Variants in FHIT observed in about 807,000 individuals in gnomAD.
FHIT encodes bis(5'-adenosyl)-triphosphatase.
In FHIT, 19 loss-of-function variants were observed where a neutral mutation model predicts 17.9. That is an observed-to-expected ratio of 1.06 (90% CI 0.74 to 1.56). FHIT has a LOEUF of 1.56. Among genes scored for constraint, FHIT ranks in the 40% most tolerant of loss-of-function variants. FHIT has a pLI of 0.00. For missense variants in FHIT, 248 were observed against 189.2 expected, an observed-to-expected ratio of 1.31 and a Z score of -1.82; for synonymous variants, 81 against 69.7, an observed-to-expected ratio of 1.16 and a Z score of -0.81.
chr3:60,082,777 G>C (rs1703345181), intron 5 of FHIT, among the ~76,000 whole-genome samples: 1 of 152,068 alleles, frequency 6.6e-6, no homozygotes, highest in Admixed American at 6.6e-5. Context: ...GTGTTGTTTT[G>C]AGAAGTGTCT....
intron 5 of FHIT, among the ~76,000 whole-genome samples, chr3:60,438,864 A>AT (rs1377917095): frequency 1.3e-5 from 2 of 152,134 alleles, no homozygotes; most frequent in Admixed American, 6.6e-5. Flanking sequence ...AACACTGTAC[A>AT]ATCTAGTTCC....
chr3:61,124,217 C>A (rs890103231), intron 2 of FHIT, among the ~76,000 whole-genome samples: 1 of 152,116 alleles, frequency 6.6e-6, no homozygotes, highest in Non-Finnish European at 1.5e-5. Flanking sequence ...ATGATTCTTG[C>A]ATATGTATCA....
chr3:61,183,486 C>T (rs1283117270), intron 2 of FHIT, among the ~76,000 whole-genome samples: 1 of 152,200 alleles, frequency 6.6e-6, no homozygotes, highest in African/African-American at 2.4e-5. Context: ...CTCCCCTTGC[C>T]TGATCAAAAG....
chr3:61,010,946 T>C (rs1020074712), intron 3 of FHIT, among the ~76,000 whole-genome samples: 5 of 152,216 alleles, frequency 3.3e-5, no homozygotes, highest in Middle Eastern at 3.2e-3. Flanking sequence ...GATATATTGT[T>C]GTTATAATTA....
At chr3:60,263,872 G>A (rs984212780) in intron 5 of FHIT, among the ~76,000 whole-genome samples, 2 of 150,176 alleles carry the variant, frequency 1.3e-5, no homozygotes, top group South Asian at 4.2e-4. Flanking sequence ...TATCACATTA[G>A]AATAATTGGC....
chr3:59,881,990 T>C (rs1703429546), intron 8 of FHIT, among the ~76,000 whole-genome samples: 1 of 152,190 alleles, frequency 6.6e-6, no homozygotes, highest in African/African-American at 2.4e-5. Flanking sequence ...TTTGGAATTA[T>C]TCACATGAAG....
chr3:60,088,530 A>G (rs76003865), intron 5 of FHIT, among the ~76,000 whole-genome samples: 67 of 152,204 alleles, frequency 4.4e-4, no homozygotes, highest in Non-Finnish European at 7.2e-4. Flanking sequence ...CCCCAACTCT[A>G]ATTCATGATT....
chr3:60,333,788 G>C (rs1710105391), intron 5 of FHIT, among the ~76,000 whole-genome samples: 1 of 152,066 alleles, frequency 6.6e-6, no homozygotes, highest in Non-Finnish European at 1.5e-5. Context: ...CCTTTCTCAA[G>C]AAACCAACCG....
chr3:60,934,441 C>T (rs1177068264), intron 3 of FHIT, among the ~76,000 whole-genome samples: 2 of 152,124 alleles, frequency 1.3e-5, no homozygotes. Flanking sequence ...AAAAATATGT[C>T]TGAGCCACTG....
chr3:60,524,198 ACACACAC>A (rs2035486026), intron 5 of FHIT, among the ~76,000 whole-genome samples: 1 of 96 alleles, frequency 0.01, no homozygotes, highest in Non-Finnish European at 0.029. Flanking sequence ...TCAGCCTGAG[ACACACAC>A]ACACACACAC....
intron 3 of FHIT, among the ~76,000 whole-genome samples, chr3:60,829,715 C>A (rs1458785871): frequency 6.7e-6 from 1 of 150,084 alleles, no homozygotes; most frequent in African/African-American, 2.4e-5. Flanking sequence ...GAATATAAAG[C>A]TTTCCTGGTT....
intron 7 of FHIT, among the ~76,000 whole-genome samples, chr3:59,961,381 A>T (rs1394740948): frequency 6.6e-6 from 1 of 151,978 alleles, no homozygotes; most frequent in Admixed American, 6.5e-5. Flanking sequence ...TGGTTCCATA[A>T]GGAAAAAAAT....
At position 60,767,775 on chromosome 3, in the gene FHIT, C is replaced by T. The variant is rs57794552; in HGVS notation, c.-18+54144G>A. 7.3e-3 allele frequency among the ~76,000 whole-genome samples: 1,112 copies of T among 152,264 alleles called. 15 individuals carry two copies. The highest frequency in any genetic ancestry group is 0.025 in the African/African-American group (1,050 of 41,556). ...TTGTTAAGCAACTCTTGTTCTATTGCGCCCCAACAAGAGACAGAATGTTTC... is the reference window on the plus strand; with the variant it reads ...TTGTTAAGCAACTCTTGTTCTATTGTGCCCCAACAAGAGACAGAATGTTTC... On this transcript the variant is annotated intron_variant, in intron 4 of 9. Coordinates refer to ENST00000492590, the MANE Select transcript of FHIT (RefSeq NM_002012.4).
chr3:60,249,427 G>A (rs1705573822), intron 5 of FHIT, among the ~76,000 whole-genome samples: 1 of 152,062 alleles, frequency 6.6e-6, no homozygotes, highest in South Asian at 2.1e-4. Context: ...TGGGCTATAA[G>A]GATAAGCCAC....
At chr3:61,004,741 A>C (rs1360981188) in intron 3 of FHIT, among the ~76,000 whole-genome samples, 1 of 152,040 alleles carries the variant, frequency 6.6e-6, no homozygotes, top group Non-Finnish European at 1.5e-5. Flanking sequence ...AAAAAAACCC[A>C]CTGATGAAGC....
At chr3:59,940,454 G>A (rs1706458400) in intron 7 of FHIT, among the ~76,000 whole-genome samples, 2 of 152,140 alleles carry the variant, frequency 1.3e-5, no homozygotes. Flanking sequence ...AAAAACTAAT[G>A]TGGAGTCAAT....
intron 8 of FHIT, among the ~76,000 whole-genome samples, chr3:59,807,337 C>T (rs962449470): frequency 6.6e-6 from 1 of 152,124 alleles, no homozygotes; most frequent in African/African-American, 2.4e-5. Flanking sequence ...GGTTAACTTC[C>T]AGCTCAGTGG....
intron 4 of FHIT, among the ~76,000 whole-genome samples, chr3:60,810,829 G>C (rs1183027981): frequency 6.6e-6 from 1 of 152,212 alleles, no homozygotes; most frequent in South Asian, 2.1e-4. Context: ...TTCTAACCCA[G>C]TATGTGCTGG....
intron 7 of FHIT, among the ~76,000 whole-genome samples, chr3:59,949,591 C>G (rs1270947928): frequency 6.6e-6 from 1 of 152,208 alleles, no homozygotes; most frequent in East Asian, 1.9e-4. Flanking sequence ...AAGAAATACA[C>G]ACACTCAGAT....
Sources: allele counts gnomAD v4.1 joint callset (sites outside exome capture counted in the v4.1 genomes callset), GRCh38; gene constraint gnomAD v4.1.1; transcripts MANE v1.5; gene names NCBI Gene and HGNC (gene_info 2026-07-23, HGNC 2026-07-21).